The following HRH1 variants were observed in gnomAD, a reference collection of about 807,000 sequenced individuals.
HRH1 encodes the protein histamine H1 receptor.
HRH1 carries 6 observed loss-of-function variants against 10.3 expected under a neutral mutation model. The ratio of observed to expected loss-of-function variants is 0.58; its 90% confidence interval spans 0.32 to 1.15. The LOEUF (loss-of-function observed/expected upper bound fraction) is 1.15. Among genes scored for constraint, HRH1 ranks in the 50% most tolerant of loss-of-function variants. The pLI, the probability that HRH1 is intolerant of heterozygous loss-of-function variation, is 0.05. For missense variants in HRH1, 514 were observed against 615.3 expected (o/e 0.84, Z 1.74); for synonymous variants, 242 against 236.7 (o/e 1.02, Z -0.21).
chr3:11,197,519 G>C (rs940345747), intron 1 of HRH1, among the ~76,000 whole-genome samples: 1 of 152,166 alleles, frequency 6.6e-6, no homozygotes, highest in Admixed American at 6.6e-5. Flanking sequence ...AAAAGGTACT[G>C]TCTGGGAAAG....
At chr3:11,175,561 G>A (rs949368607) in intron 1 of HRH1, among the ~76,000 whole-genome samples, 1 of 152,124 alleles carries the variant, frequency 6.6e-6, no homozygotes, top group Non-Finnish European at 1.5e-5. Flanking sequence ...AAAAGCAGTA[G>A]TAATAATACT....
chr3:11,244,078 A>G (rs542719211), intron 1 of HRH1, among the ~76,000 whole-genome samples: 2 of 152,304 alleles, frequency 1.3e-5, no homozygotes, highest in African/African-American at 4.8e-5. Context: ...CCTCGCTGAT[A>G]TGGCAGCCCC....
intron 1 of HRH1, among the ~76,000 whole-genome samples, chr3:11,218,231 G>C (rs1938579782): frequency 6.6e-6 from 1 of 152,122 alleles, no homozygotes; most frequent in South Asian, 2.1e-4. Context: ...TGGATCACAA[G>C]GTCAGGAGTT....
chr3:11,196,354 A>G (rs1321229276), intron 1 of HRH1, among the ~76,000 whole-genome samples: 1 of 152,054 alleles, frequency 6.6e-6, no homozygotes, highest in Non-Finnish European at 1.5e-5. Flanking sequence ...CATCTTACAG[A>G]CATTCCTCAC....
intron 1 of HRH1, among the ~76,000 whole-genome samples, chr3:11,164,033 T>C (rs749252592): frequency 9.9e-5 from 15 of 152,280 alleles, no homozygotes; most frequent in Admixed American, 4.6e-4. Context: ...GCAAGGAACA[T>C]AGTGCACTCT....
chr3:11,146,054 T>C (rs773480283), intron 1 of HRH1, among the ~76,000 whole-genome samples: 2 of 152,204 alleles, frequency 1.3e-5, no homozygotes, highest in African/African-American at 2.4e-5. Flanking sequence ...TATATTTTCA[T>C]TGCTCTTGGA....
intron 1 of HRH1, among the ~76,000 whole-genome samples, chr3:11,210,368 T>C (rs1938285320): frequency 6.6e-6 from 1 of 152,092 alleles, no homozygotes; most frequent in Admixed American, 6.6e-5. Context: ...GTATCCAGCC[T>C]GGGTGACAAA....
chr3:11,262,297 CTA>C lies in HRH1; in HGVS notation c.*1798_*1799del, dbSNP rs1369700598. 6.0e-6 allele frequency: 1 copy of C among 167,030 alleles called. No homozygotes were observed. The highest frequency in any genetic ancestry group is 2.4e-5 in the African/African-American group (1 of 41,448). 10.3% of individuals were successfully genotyped at this position (167,030 alleles called of 1,614,324 possible). On this transcript the variant is annotated 3_prime_UTR_variant, in exon 2 of 2. Transcript: ENST00000431010. ...AAAATATGATGTTTAAAAGCATACT[CTA>C]TGTGATTTATTTATTTCTACCTTTC...
At chr3:11,210,867 A>G (rs1938305483) in intron 1 of HRH1, among the ~76,000 whole-genome samples, 1 of 152,028 alleles carries the variant, frequency 6.6e-6, no homozygotes, top group Admixed American at 6.6e-5. Flanking sequence ...CACTGGATCC[A>G]ATAAGTAGAG....
Position 11,260,429 on chromosome 3 carries a change from C to T in HRH1, c.1392C>T (p.Asn464=), listed in dbSNP as rs1009917677. The T allele has an allele frequency of 1.9e-6, 3 of 1,613,742 alleles. No individual in the cohort carries two copies. The highest frequency in any genetic ancestry group is 1.7e-5 in the Admixed American group (1 of 59,994). The part of the protein sequence containing the change: ...IWLGYINSTL[N]PLIYPLCNEN... Reference sequence around the variant, plus strand: ...TGGGCTACATCAACTCCACACTGAACCCCCTCATCTACCCCTTGTGCAATG... The same window carrying T: ...TGGGCTACATCAACTCCACACTGAATCCCCTCATCTACCCCTTGTGCAATG... Residue 464 remains asparagine, a synonymous_variant, in exon 2 of 2, where the codon AAC becomes AAT. Transcript: ENST00000431010.
chr3:11,214,149 G>C (rs922594544), intron 1 of HRH1, among the ~76,000 whole-genome samples: 3 of 152,180 alleles, frequency 2.0e-5, no homozygotes, highest in Non-Finnish European at 4.4e-5. Flanking sequence ...CAAACAGGAG[G>C]GGGAGGGGAA....
chr3:11,181,882 T>C (rs1471167610), intron 1 of HRH1, among the ~76,000 whole-genome samples: 1 of 152,150 alleles, frequency 6.6e-6, no homozygotes, highest in African/African-American at 2.4e-5. Flanking sequence ...CCTCCCGCCT[T>C]GGCTTCCCAA....
At chr3:11,148,557 G>A (rs1408288608) in intron 1 of HRH1, among the ~76,000 whole-genome samples, 1 of 152,040 alleles carries the variant, frequency 6.6e-6, no homozygotes, top group Non-Finnish European at 1.5e-5. Context: ...CCTTTCCAAG[G>A]TGACACGAAT....
chr3:11,141,826 C>T (rs1936297369), intron 1 of HRH1, among the ~76,000 whole-genome samples: 1 of 152,204 alleles, frequency 6.6e-6, no homozygotes, highest in African/African-American at 2.4e-5. Flanking sequence ...TGGACACAAG[C>T]TATCCTAGAT....
At chr3:11,230,703 T>G (rs775490898) in intron 1 of HRH1, among the ~76,000 whole-genome samples, 6 of 152,138 alleles carry the variant, frequency 3.9e-5, no homozygotes, top group Non-Finnish European at 8.8e-5. Context: ...GACCACTGAT[T>G]TGTTTAATCC....
chr3:11,157,058 G>A (rs901038033), intron 1 of HRH1, among the ~76,000 whole-genome samples: 12 of 152,204 alleles, frequency 7.9e-5, no homozygotes, highest in Non-Finnish European at 1.2e-4. Flanking sequence ...TTGCTGCTAC[G>A]CAGTGCAGCT....
intron 1 of HRH1, among the ~76,000 whole-genome samples, chr3:11,206,377 C>T (rs750690895): frequency 4.6e-5 from 7 of 152,344 alleles, no homozygotes; most frequent in Non-Finnish European, 8.8e-5. Context: ...TTCGGCCTTC[C>T]GAAGTGCTGG....
intron 1 of HRH1, among the ~76,000 whole-genome samples, chr3:11,158,469 G>A (rs1489088936): frequency 1.3e-5 from 2 of 152,182 alleles, no homozygotes; most frequent in Non-Finnish European, 2.9e-5. Flanking sequence ...ATAAATCCAG[G>A]TTGCTCTGAT....
At chr3:11,249,819 C>T (rs150964202) in intron 1 of HRH1, among the ~76,000 whole-genome samples, 129 of 152,158 alleles carry the variant, frequency 8.5e-4, no homozygotes, top group African/African-American at 2.8e-3. Flanking sequence ...TAATTGATCC[C>T]GGTTAACAGA....
Sources: allele counts gnomAD v4.1 joint callset (sites outside exome capture counted in the v4.1 genomes callset), GRCh38; gene constraint gnomAD v4.1.1; transcripts MANE v1.5; gene names NCBI Gene and HGNC (gene_info 2026-07-23, HGNC 2026-07-21).